MARCHF8: variants seen among roughly 807,000 people sequenced by gnomAD.
MARCHF8 encodes the protein E3 ubiquitin-protein ligase MARCHF8.
Under a neutral mutation model 51.6 loss-of-function variants are expected in MARCHF8, and 40 were observed. That is an observed-to-expected ratio of 0.77 (90% CI 0.60 to 1.01). The LOEUF (loss-of-function observed/expected upper bound fraction) is 1.01. Ranked by LOEUF, MARCHF8 falls within the 50% of genes least tolerant of loss-of-function variation. The pLI is 0.00. For missense variants in MARCHF8, 685 were observed against 708.6 expected, an observed-to-expected ratio of 0.97 and a Z score of 0.38; for synonymous variants, 263 against 280.3, an observed-to-expected ratio of 0.94 and a Z score of 0.62.
intron 2 of MARCHF8, among the ~76,000 whole-genome samples, chr10:45,505,793 G>C (rs888523988): frequency 2.2e-4 from 34 of 152,178 alleles, no homozygotes; most frequent in African/African-American, 7.5e-4. Context: ...TGGTTTGTTA[G>C]TTTTTTTCTG....
At position 45,554,126 on chromosome 10, in the gene MARCHF8, G is replaced by T. The variant is rs556019191; in HGVS notation, c.-78-20837C>A. Among the ~76,000 whole-genome samples, 243 of 152,238 alleles carry T rather than the reference G, an allele frequency of 1.6e-3. 2 individuals carry two copies. Among genetic ancestry groups the T allele is most frequent in the African/African-American group, 5.2e-3 (216 of 41,538 alleles). On this transcript the variant is annotated intron_variant, in intron 1 of 6. Transcript: ENST00000319836. ...ACAGTTTTACCAGACATCCCTATAG[G>T]AATCTATCCTAAAAATGAAAAGAAT...
intron 2 of MARCHF8, among the ~76,000 whole-genome samples, chr10:45,530,167 A>AT (rs1424618818): frequency 1.3e-5 from 2 of 152,234 alleles, no homozygotes; most frequent in African/African-American, 4.8e-5. Flanking sequence ...CTTAAGTGAA[A>AT]TAACTCAGAA....
intron 1 of MARCHF8, among the ~76,000 whole-genome samples, chr10:45,591,930 C>A (rs34539215): frequency 0.062 from 9,368 of 152,224 alleles, 320 homozygotes; most frequent in Non-Finnish European, 0.066. Context: ...GATTTTCTTC[C>A]ATATATCAAT....
chr10:45,464,059 A>G, intron 4 of MARCHF8, 63 bp from the exon 5 acceptor site: 1 of 1,500,324 alleles, frequency 6.7e-7, no homozygotes, highest in Non-Finnish European at 8.9e-7. Flanking sequence ...GAGAATAGAC[A>G]TCATAGTGAA....
Position 45,556,301 on chromosome 10 carries a change from A to G in MARCHF8, c.-78-23012T>C, listed in dbSNP as rs113679533. On this transcript the variant is annotated intron_variant, in intron 1 of 6. Coordinates refer to the MARCHF8 transcript ENST00000319836. Reference sequence around the variant, plus strand: ...CACAAACACACACACAAAACTGTGAAATAACTTTGGGATGATAGTGGTATT... The same window carrying G: ...CACAAACACACACACAAAACTGTGAGATAACTTTGGGATGATAGTGGTATT... Among the ~76,000 whole-genome samples the G allele has an allele frequency of 3.6e-3, 546 of 152,350 alleles. 5 individuals carry two copies. The highest frequency in any genetic ancestry group is 0.012 in the African/African-American group (519 of 41,586).
chr10:45,508,046 A>G lies in MARCHF8; in HGVS notation c.103-18629T>C, dbSNP rs535753386. ...TTGATTGTACAATGTCCTTGATTAA[A>G]TATTTCTCACTTATGAAAGAGCCAA... On this transcript the variant is annotated intron_variant, in intron 2 of 7. Coordinates refer to ENST00000453424, the MANE Select transcript of MARCHF8 (RefSeq NM_001282866.2). Among the ~76,000 whole-genome samples the G allele has an allele frequency of 6.6e-5, 10 of 152,312 alleles. 1 individual carries two copies. In the East Asian group the frequency reaches 1.3e-3, roughly 21 times the overall value.
chr10:45,588,366 G>A (rs965404876), intron 1 of MARCHF8, among the ~76,000 whole-genome samples: 33 of 152,060 alleles, frequency 2.2e-4, no homozygotes, highest in African/African-American at 7.5e-4. Context: ...TCTATGAGAC[G>A]GTAGTTTTGC....
At chr10:45,508,249 A>G (rs2043424267) in intron 2 of MARCHF8, among the ~76,000 whole-genome samples, 1 of 151,962 alleles carries the variant, frequency 6.6e-6, no homozygotes, top group South Asian at 2.1e-4. Context: ...AAAATAAAAA[A>G]TTTGAGATAC....
rs1842560287 is a variant in MARCHF8, at chr10:45,455,033, A to G, written c.*3206T>C. The G allele has an allele frequency of 6.6e-6, 1 of 152,254 alleles. No homozygotes were observed. Among genetic ancestry groups the G allele is most frequent in the Non-Finnish European group, 1.5e-5 (1 of 68,062 alleles). 9.4% of individuals were successfully genotyped at this position (152,254 alleles called of 1,614,324 possible). A position where few individuals can be genotyped will look rare whatever the true frequency, so the allele number is the denominator to read the frequency against. ...TGTATTTGCCTTCAGCCACATCCAG[A>G]GACTTGTGGATCTCACCCGGTTGGT... On this transcript the variant is annotated 3_prime_UTR_variant, in exon 8 of 8. Transcript: ENST00000453424.
At chr10:45,564,667 T>C (rs1467572479) in intron 1 of MARCHF8, among the ~76,000 whole-genome samples, 1 of 151,970 alleles carries the variant, frequency 6.6e-6, no homozygotes, top group East Asian at 1.9e-4. Flanking sequence ...TTAATACAAA[T>C]AGAAATACAA....
chr10:45,591,915 C>G (rs2044685282), intron 1 of MARCHF8, among the ~76,000 whole-genome samples: 1 of 152,216 alleles, frequency 6.6e-6, no homozygotes, highest in Non-Finnish European at 1.5e-5. Flanking sequence ...TCTACCTCCT[C>G]CAGAGATTTT....
chr10:45,456,039 G>A lies in MARCHF8; in HGVS notation c.*2200C>T, dbSNP rs1242304108. The stretch of plus-strand genomic sequence containing the variant: ...GTGCTTTTCAAGTTCAGCATAAGGG[G>A]TTCCATATGTGAAGTGGGGATTCAC... On this transcript the variant is annotated 3_prime_UTR_variant, in exon 8 of 8. Coordinates refer to ENST00000453424, the MANE Select transcript of MARCHF8 (RefSeq NM_001282866.2). 3.3e-5 allele frequency: 5 copies of A among 152,378 alleles called. No individual in the cohort carries two copies. In the East Asian group the frequency reaches 5.8e-4, roughly 18 times the overall value. 9.4% of individuals were successfully genotyped at this position (152,378 alleles called of 1,614,324 possible). A position where few individuals can be genotyped will look rare whatever the true frequency, so the allele number is the denominator to read the frequency against.
upstream of MARCHF8, among the ~76,000 whole-genome samples, chr10:45,539,106 A>G (rs1364139339): frequency 6.6e-6 from 1 of 152,244 alleles, no homozygotes; most frequent in African/African-American, 2.4e-5. Context: ...AACAGAAATT[A>G]TAACAAACTG....
rs188951818 is a variant in MARCHF8, at chr10:45,579,636, G to A, written c.-79+14599C>T. Among the ~76,000 whole-genome samples, 122 of 152,166 alleles carry A rather than the reference G, an allele frequency of 8.0e-4. 1 individual carries two copies. The highest frequency in any genetic ancestry group is 2.8e-3 in the African/African-American group (117 of 41,510). On this transcript the variant is annotated intron_variant, in intron 1 of 6. Transcript: ENST00000319836. The stretch of plus-strand genomic sequence containing the variant: ...AACATTGGCAAGGATGTCCTAAAAT[G>A]GCCACTCAACACCTTGCTAGTGGAA...
Position 45,502,431 on chromosome 10 carries a change from T to C in MARCHF8, c.103-13014A>G, listed in dbSNP as rs146781220. ...AGAAATTTGTTAAAATTTTCCCAAG[T>C]TTGGAGAAGGACATAAACCTATGCA... On this transcript the variant is annotated intron_variant, in intron 2 of 7. Transcript: ENST00000453424. Among the ~76,000 whole-genome samples, 167 of 152,294 alleles carry C rather than the reference T, an allele frequency of 1.1e-3. No homozygotes were observed. The Middle Eastern group carries it at 0.02, about 19-fold the overall frequency.
intron 5 of MARCHF8, 100 bp downstream of exon 5, chr10:45,463,051 T>C: frequency 7.1e-7 from 1 of 1,412,450 alleles, no homozygotes; most frequent in Non-Finnish European, 9.4e-7. Flanking sequence ...TGGTTACAAC[T>C]TCCTATTACT....
chr10:45,571,793 C>T (rs1356988129), intron 1 of MARCHF8, among the ~76,000 whole-genome samples: 4 of 152,178 alleles, frequency 2.6e-5, no homozygotes, highest in African/African-American at 9.7e-5. Flanking sequence ...AATCTTCGCG[C>T]CACACTTCAA....
intron 2 of MARCHF8, among the ~76,000 whole-genome samples, chr10:45,507,818 A>AAT (rs2043415564): frequency 6.6e-6 from 1 of 152,032 alleles, no homozygotes; most frequent in African/African-American, 2.4e-5. Context: ...TTTGAAAAAA[A>AAT]AAAAAAAAGA....
rs532535608 is a variant in MARCHF8 at position 45,463,758 on chromosome 10, C to T, written c.481G>A (p.Val161Met). 6.4e-7 allele frequency: 1 copy of T among 1,551,242 alleles called. No homozygotes were observed. Among genetic ancestry groups the T allele is most frequent in the South Asian group, 1.2e-5 (1 of 84,070 alleles). The change falls in exon 5 of 8, where the codon GTG (valine) becomes ATG (methionine). Residue 161 changes from valine to methionine, a missense_variant. By Grantham distance (21) the Val-to-Met change is conservative (BLOSUM62 1). Coordinates refer to ENST00000453424, the MANE Select transcript of MARCHF8 (RefSeq NM_001282866.2). The stretch of plus-strand genomic sequence containing the variant: ...GAAGTATCCTGCGCCTTCTCACCCA[C>T]ATCATTGAGGGACCTTGAGAACTTT... ...TLKFSRSLND[V>M]GEKAQDTSES...
Sources: allele counts gnomAD v4.1 joint callset (sites outside exome capture counted in the v4.1 genomes callset), GRCh38; gene constraint gnomAD v4.1.1; transcripts MANE v1.5; gene names NCBI Gene and HGNC (gene_info 2026-07-23, HGNC 2026-07-21).